ROBO2: variants seen among roughly 807,000 people sequenced by gnomAD.
The protein encoded by ROBO2 is roundabout homolog 2.
In ROBO2, 53 loss-of-function variants were observed where a neutral mutation model predicts 160.8. The observed-to-expected ratio is 0.33, with a 90% CI of 0.26 to 0.41. ROBO2 has a LOEUF of 0.41. Among genes scored for constraint, ROBO2 ranks in the 10% least tolerant of loss-of-function variants. The probability of loss-of-function intolerance (pLI) is 1.00; values close to 1 mark genes in which losing one functional copy is unlikely to be tolerated. For missense variants in ROBO2, 1,577 were observed against 1,722.4 expected (o/e 0.92, Z 1.49); for synonymous variants, 664 against 611.7 (o/e 1.09, Z -1.26).
intron 2 of ROBO2, among the ~76,000 whole-genome samples, chr3:76,350,046 T>A (rs1559805047): frequency 6.6e-6 from 1 of 151,950 alleles, no homozygotes; most frequent in Non-Finnish European, 1.5e-5. Context: ...TTGAAACAAA[T>A]ACCATCAGTA....
intron 2 of ROBO2, among the ~76,000 whole-genome samples, chr3:77,375,847 A>G (rs2072564629): frequency 6.7e-6 from 1 of 149,288 alleles, no homozygotes; most frequent in Admixed American, 6.7e-5. Context: ...GCACACACAT[A>G]GAAAAAATAG....
At chr3:76,516,306 C>A (rs1386406356) in intron 2 of ROBO2, among the ~76,000 whole-genome samples, 1 of 152,158 alleles carries the variant, frequency 6.6e-6, no homozygotes, top group Non-Finnish European at 1.5e-5. Flanking sequence ...TCCATACCCA[C>A]ACCTGCTGCT....
At chr3:75,909,028 A>G (rs929658158) in intron 1 of ROBO2, among the ~76,000 whole-genome samples, 31 of 152,214 alleles carry the variant, frequency 2.0e-4, no homozygotes, top group African/African-American at 7.5e-4. Context: ...TGGCAGATAT[A>G]TCTAATGTAT....
chr3:76,698,883 T>C (rs2092989187), intron 2 of ROBO2, among the ~76,000 whole-genome samples: 1 of 152,200 alleles, frequency 6.6e-6, no homozygotes, highest in East Asian at 1.9e-4. Flanking sequence ...GTGATAAAAA[T>C]GGAATTTACT....
intron 2 of ROBO2, among the ~76,000 whole-genome samples, chr3:77,244,239 T>G (rs1457121195): frequency 6.6e-6 from 1 of 152,146 alleles, no homozygotes; most frequent in Non-Finnish European, 1.5e-5. Flanking sequence ...TGGGGGAAAT[T>G]AACATATAGG....
intron 2 of ROBO2, among the ~76,000 whole-genome samples, chr3:76,139,226 C>T (rs904567732): frequency 5.3e-5 from 8 of 152,022 alleles, no homozygotes; most frequent in Non-Finnish European, 8.8e-5. Flanking sequence ...TTATGCTTGA[C>T]TGTAATATGC....
intron 2 of ROBO2, among the ~76,000 whole-genome samples, chr3:77,456,389 G>C (rs547261273): frequency 6.6e-6 from 1 of 152,128 alleles, no homozygotes; most frequent in Non-Finnish European, 1.5e-5. Flanking sequence ...AAAGAGGTAG[G>C]GGGTAGTCTT....
intron 2 of ROBO2, among the ~76,000 whole-genome samples, chr3:76,938,310 T>C (rs557459271): frequency 6.2e-4 from 94 of 151,970 alleles, no homozygotes; most frequent in African/African-American, 2.1e-3. Context: ...GCCGAGACTG[T>C]GCTTCTGCAC....
chr3:77,371,516 G>A (rs553083799), intron 2 of ROBO2, among the ~76,000 whole-genome samples: 1 of 152,178 alleles, frequency 6.6e-6, no homozygotes, highest in African/African-American at 2.4e-5. Context: ...ACATACAAGG[G>A]CTATTTTAGA....
At chr3:77,069,609 T>C (rs754395948) in intron 1 of ROBO2, among the ~76,000 whole-genome samples, 6 of 152,218 alleles carry the variant, frequency 3.9e-5, no homozygotes, top group African/African-American at 9.6e-5. Flanking sequence ...TGTTGACACA[T>C]CTGGTGGTGG....
chr3:77,096,027 A>G (rs2071015119), intron 1 of ROBO2, among the ~76,000 whole-genome samples: 2 of 152,142 alleles, frequency 1.3e-5, no homozygotes, highest in South Asian at 2.1e-4. Flanking sequence ...AAAAAATAGC[A>G]ACTTTTAAGA....
intron 2 of ROBO2, among the ~76,000 whole-genome samples, chr3:75,955,316 T>G (rs564857079): frequency 6.6e-6 from 1 of 151,962 alleles, no homozygotes; most frequent in African/African-American, 2.4e-5. Context: ...CAGAATTCAT[T>G]TTGAAATAGA....
intron 16 of ROBO2, among the ~76,000 whole-genome samples, chr3:77,582,987 A>G (rs1195679542): frequency 6.6e-6 from 1 of 151,292 alleles, no homozygotes; most frequent in Non-Finnish European, 1.5e-5. Flanking sequence ...TAAAATACAA[A>G]AGAAATTAGC....
intron 2 of ROBO2, among the ~76,000 whole-genome samples, chr3:76,095,588 A>C (rs1258515028): frequency 6.6e-6 from 1 of 152,138 alleles, no homozygotes; most frequent in Middle Eastern, 3.2e-3. Context: ...ACACTAACCT[A>C]TTATTAGGCA....
intron 2 of ROBO2, among the ~76,000 whole-genome samples, chr3:76,538,038 C>T (rs576276039): frequency 4.5e-4 from 69 of 152,042 alleles, no homozygotes; most frequent in African/African-American, 1.5e-3. Flanking sequence ...TTCACTTCTT[C>T]TGTGGTTTTT....
chr3:75,959,911 A>C (rs1364062155), intron 2 of ROBO2, among the ~76,000 whole-genome samples: 1 of 151,796 alleles, frequency 6.6e-6, no homozygotes, highest in African/African-American at 2.4e-5. Context: ...ATATATATAA[A>C]AGTTAAATAT....
chr3:76,223,328 G>T (rs1214512508), intron 2 of ROBO2, among the ~76,000 whole-genome samples: 1 of 151,722 alleles, frequency 6.6e-6, no homozygotes, highest in Middle Eastern at 3.2e-3. Context: ...GGGCAATGCG[G>T]GGTTAACCCC....
At chr3:76,736,868 A>G (rs1459662395) in intron 2 of ROBO2, among the ~76,000 whole-genome samples, 2 of 152,220 alleles carry the variant, frequency 1.3e-5, no homozygotes, top group Non-Finnish European at 2.9e-5. Flanking sequence ...TTACTGCTTA[A>G]CAAAAGTACC....
exon 26 of ROBO2, chr3:77,646,187 A>G: frequency 1.8e-6 from 1 of 540,566 alleles, no homozygotes; most frequent in Non-Finnish European, 3.3e-6. Context: ...CAATGTAAAG[A>G]CACACAGCCA....
Sources: gnomAD v4.1 joint callset for allele counts (sites outside exome capture counted in the v4.1 genomes callset) on GRCh38, gnomAD v4.1.1 for gene constraint, MANE v1.5 for transcripts, NCBI Gene and HGNC (gene_info 2026-07-23, HGNC 2026-07-21) for gene names.